The following NUDT4 variants were observed in gnomAD, a reference collection of about 807,000 sequenced individuals.
NUDT4 encodes diphosphoinositol polyphosphate phosphohydrolase 2.
In NUDT4, 5 loss-of-function variants were observed where a neutral mutation model predicts 23.1. The observed-to-expected ratio is 0.22, with a 90% CI of 0.11 to 0.46. NUDT4 has a LOEUF of 0.46. Ranked by LOEUF, NUDT4 falls within the 20% of genes least tolerant of loss-of-function variation. The pLI, the probability that NUDT4 is intolerant of heterozygous loss-of-function variation, is 0.99. For missense variants in NUDT4, 96 were observed against 211.6 expected, an observed-to-expected ratio of 0.45 and a Z score of 3.39; for synonymous variants, 50 against 79.0, an observed-to-expected ratio of 0.63 and a Z score of 1.95.
chr12:93,395,573 T>C, intron 3 of NUDT4, 40 bp downstream of exon 3: 3 of 1,498,644 alleles, frequency 2.0e-6, no homozygotes, highest in Non-Finnish European at 2.8e-6. Context: ...GATAATAGAA[T>C]TAATGATTTC....
chr12:93,405,966 TAAC>T lies in NUDT4; in HGVS notation c.*6590_*6592del, dbSNP rs1161933343. 1 of 152,072 alleles carries T rather than the reference TAAC, an allele frequency of 6.6e-6. No individual in the cohort carries two copies. The highest frequency in any genetic ancestry group is 2.4e-5 in the African/African-American group (1 of 41,424). The allele number at this position is 152,072 out of a possible 1,614,324, so 9.4% of individuals were successfully genotyped here. The stretch of plus-strand genomic sequence containing the variant: ...GATAAGGTTGTATTGCTACTGCAAC[TAAC>T]AAAAAAGATGTGGCAGGGCTGGGCA... On this transcript the variant is annotated 3_prime_UTR_variant, in exon 5 of 5. Transcript: ENST00000415493.
intron 3 of NUDT4, among the ~76,000 whole-genome samples, chr12:93,396,515 T>A (rs1592727122): frequency 6.6e-6 from 1 of 152,296 alleles, no homozygotes; most frequent in Non-Finnish European, 1.5e-5. Flanking sequence ...GCCTTTATAG[T>A]AGAACCATAT....
intron 1 of NUDT4, chr12:93,381,132 T>G (rs1232195427): frequency 1.3e-5 from 2 of 152,232 alleles, no homozygotes; most frequent in Non-Finnish European, 2.9e-5. Flanking sequence ...ATTTTCCATT[T>G]TATCTTTTTC....
At chr12:93,378,808 G>C in intron 1 of NUDT4, 1 of 996,478 alleles carries the variant, frequency 1.0e-6, no homozygotes, top group Non-Finnish European at 1.2e-6. Context: ...TTGCAGCAGA[G>C]CCCTTGTGCC....
At chr12:93,382,490 A>AATACTAATTC (rs952580216) in intron 1 of NUDT4, among the ~76,000 whole-genome samples, 8 of 152,136 alleles carry the variant, frequency 5.3e-5, no homozygotes, top group African/African-American at 1.7e-4. Context: ...GATGAGCAAC[A>AATACTAATTC]ATACTAATTC....
chr12:93,397,545 TA>T (rs1451998610), intron 3 of NUDT4, among the ~76,000 whole-genome samples: 1 of 151,098 alleles, frequency 6.6e-6, no homozygotes, highest in African/African-American at 2.4e-5. Flanking sequence ...TTTTTTTTTT[TA>T]GATGGGGTAT....
intron 1 of NUDT4, among the ~76,000 whole-genome samples, chr12:93,391,793 G>T (rs759617754): frequency 1.3e-5 from 2 of 152,128 alleles, no homozygotes; most frequent in Non-Finnish European, 2.9e-5. Flanking sequence ...TAAACCCTAT[G>T]TGTTTTCGAG....
chr12:93,389,454 T>G (rs1184595329), intron 1 of NUDT4, among the ~76,000 whole-genome samples: 1 of 151,818 alleles, frequency 6.6e-6, no homozygotes, highest in Non-Finnish European at 1.5e-5. Flanking sequence ...TGGATTGTGC[T>G]AAATCACTTA....
chr12:93,391,874 CTTAT>C (rs762366368), intron 1 of NUDT4, among the ~76,000 whole-genome samples: 9 of 151,914 alleles, frequency 5.9e-5, no homozygotes, highest in Non-Finnish European at 1.3e-4. Context: ...TTCAAATTGA[CTTAT>C]TTATTTTTAT....
intron 1 of NUDT4, among the ~76,000 whole-genome samples, chr12:93,389,326 G>A (rs1230021618): frequency 6.6e-6 from 1 of 152,092 alleles, no homozygotes; most frequent in Non-Finnish European, 1.5e-5. Flanking sequence ...TACAAAATTA[G>A]CTGGGCGTGG....
chr12:93,399,316 G>A lies in NUDT4; in HGVS notation c.480G>A (p.Pro160=), dbSNP rs201964461. The A allele has an allele frequency of 3.8e-5, 39 of 1,024,190 alleles. No individual in the cohort carries two copies. The highest frequency in any genetic ancestry group is 2.0e-4 in the African/African-American group (12 of 59,020). The allele number at this position is 1,024,190 out of a possible 1,614,324, so 63.4% of individuals were successfully genotyped here. ...ANGNSTVPSL[P]DNNALFVTAA... ...GAAATTCTACAGTCCCTTCCCTTCCGGATAATAATGCCTTGTTTGTAACCG... is the reference window on the plus strand; with the variant it reads ...GAAATTCTACAGTCCCTTCCCTTCCAGATAATAATGCCTTGTTTGTAACCG... Residue 160 remains proline (P), a synonymous_variant, in exon 5 of 5, where the codon CCG becomes CCA. Coordinates refer to ENST00000415493, the MANE Select transcript of NUDT4 (RefSeq NM_019094.6).
rs751632007 is a variant in NUDT4 at position 93,399,280 on chromosome 12, C to T, written c.444C>T (p.Ser148=). The part of the protein sequence containing the change: ...EYLEKLKLGC[S]PANGNSTVPS... ...TGGAAAAGCTAAAGCTGGGTTGTTC[C>T]CCAGCCAATGGAAATTCTACAGTCC... Residue 148 remains serine (S), a synonymous_variant, in exon 5 of 5, where the codon TCC becomes TCT. Coordinates refer to ENST00000415493, the MANE Select transcript of NUDT4 (RefSeq NM_019094.6). The T allele has an allele frequency of 8.1e-7, 1 of 1,232,704 alleles. No homozygotes were observed. The highest frequency in any genetic ancestry group is 1.2e-6 in the Non-Finnish European group (1 of 836,102). 76.4% of individuals were successfully genotyped at this position (1,232,704 alleles called of 1,614,324 possible).
chr12:93,394,812 T>G (rs1463590018), intron 2 of NUDT4, 93 bp downstream of exon 2: 3 of 696,124 alleles, frequency 4.3e-6, no homozygotes, highest in Non-Finnish European at 7.4e-6. Context: ...GGTCCAGGAG[T>G]GCTTTTTGCC....
intron 1 of NUDT4, among the ~76,000 whole-genome samples, chr12:93,382,264 C>CAAAA (rs61019568): frequency 2.6e-5 from 3 of 113,466 alleles, no homozygotes; most frequent in Non-Finnish European, 3.7e-5. Flanking sequence ...ACCCTGCCTG[C>CAAAA]AAAAAAAAAA....
intron 1 of NUDT4, among the ~76,000 whole-genome samples, chr12:93,382,979 AC>A (rs1156980814): frequency 6.6e-6 from 1 of 151,960 alleles, no homozygotes; most frequent in African/African-American, 2.4e-5. Flanking sequence ...TTTTTTAAAC[AC>A]AGGGAAGTGT....
Position 93,405,645 on chromosome 12 carries a change from G to A in NUDT4, c.*6266G>A, listed in dbSNP as rs1292184315. ...CGATAAAATGGAGATGAGTGCAGGGGTGAGTGTATAGTTAAGAAAACAAAC... is the reference window on the plus strand; with the variant it reads ...CGATAAAATGGAGATGAGTGCAGGGATGAGTGTATAGTTAAGAAAACAAAC... On this transcript the variant is annotated 3_prime_UTR_variant, in exon 5 of 5. Transcript: ENST00000415493. 6.6e-6 allele frequency: 1 copy of A among 152,230 alleles called. No individual in the cohort carries two copies. Among genetic ancestry groups the A allele is most frequent in the Admixed American group, 6.5e-5 (1 of 15,286 alleles). The allele number at this position is 152,230 out of a possible 1,614,324, so 9.4% of individuals were successfully genotyped here.
At chr12:93,381,024 A>G (rs746065803) in intron 1 of NUDT4, 4 of 152,232 alleles carry the variant, frequency 2.6e-5, no homozygotes, top group Non-Finnish European at 5.9e-5. Flanking sequence ...CCTGTACTGA[A>G]GTTCTCAGTA....
Position 93,404,749 on chromosome 12 carries a change from G to A in NUDT4, c.*5370G>A, listed in dbSNP as rs1391126963. 1.3e-5 allele frequency: 2 copies of A among 152,134 alleles called. No individual in the cohort carries two copies. Among genetic ancestry groups the A allele is most frequent in the Admixed American group, 6.5e-5 (1 of 15,268 alleles). 9.4% of individuals were successfully genotyped at this position (152,134 alleles called of 1,614,324 possible). On this transcript the variant is annotated 3_prime_UTR_variant, in exon 5 of 5. Transcript: ENST00000415493. ...AAGCTTAGTCACTTAAAATGAGGTTGTACAGATTGTAGATTTTGTTTTTAA... is the reference window on the plus strand; with the variant it reads ...AAGCTTAGTCACTTAAAATGAGGTTATACAGATTGTAGATTTTGTTTTTAA...
rs1877438222 is a variant in NUDT4 at position 93,401,676 on chromosome 12, TTTA to T, written c.*2298_*2300del. 6.5e-6 allele frequency: 1 copy of T among 152,684 alleles called. No homozygotes were observed. Among genetic ancestry groups the T allele is most frequent in the Non-Finnish European group, 1.5e-5 (1 of 68,040 alleles). The allele number at this position is 152,684 out of a possible 1,614,324, so 9.5% of individuals were successfully genotyped here. ...CACTCGGTAAGGATTTTCAGTGCCATTTAGCAAAACGTCTTTAGTCTATGCAAC... is the reference window on the plus strand; with the variant it reads ...CACTCGGTAAGGATTTTCAGTGCCATGCAAAACGTCTTTAGTCTATGCAAC... On this transcript the variant is annotated 3_prime_UTR_variant, in exon 5 of 5. Transcript: ENST00000415493.
Sources: allele counts gnomAD v4.1 joint callset (sites outside exome capture counted in the v4.1 genomes callset), GRCh38; gene constraint gnomAD v4.1.1; transcripts MANE v1.5; gene names NCBI Gene and HGNC (gene_info 2026-07-23, HGNC 2026-07-21).